ATG4A: variants seen among roughly 807,000 people sequenced by gnomAD.
The protein encoded by ATG4A is autophagy related 4A cysteine peptidase.
A neutral mutation model predicts 38.4 loss-of-function variants in ATG4A; 22 were observed. That is an observed-to-expected ratio of 0.57 (90% CI 0.41 to 0.82). The LOEUF (loss-of-function observed/expected upper bound fraction) is 0.82, where lower values mean the gene tolerates loss of function less well. ATG4A is among the 40% of genes least tolerant of loss of function. ATG4A has a pLI of 0.00. For missense variants in ATG4A, 220 were observed against 290.0 expected (o/e 0.76, Z 1.75); for synonymous variants, 86 against 100.7 (o/e 0.85, Z 0.88).
At chrX:108,141,841 A>G (rs1175743737) in intron 9 of ATG4A, among the ~76,000 whole-genome samples, 1 of 111,401 alleles carries the variant, frequency 9.0e-6, no homozygotes, top group African/African-American at 3.3e-5. Context: ...TTTGTTCCAG[A>G]TTCAGGAGGT....
At chrX:108,132,725 AT>A (rs1247070403) in intron 4 of ATG4A, among the ~76,000 whole-genome samples, 2 of 80,925 alleles carry the variant, frequency 2.5e-5, no homozygotes, top group Non-Finnish European at 5.1e-5. Flanking sequence ...TTACTATTTA[AT>A]TTTTTTTTCA....
chrX:108,136,018 G>A (rs2086871060), intron 6 of ATG4A, among the ~76,000 whole-genome samples: 2 of 110,693 alleles, frequency 1.8e-5, no homozygotes, highest in Admixed American at 9.6e-5. Flanking sequence ...TTCTGACCTC[G>A]TGATCCACCC....
upstream of ATG4A, among the ~76,000 whole-genome samples, chrX:108,090,140 T>G (rs1263800407): frequency 8.9e-6 from 1 of 112,244 alleles, no homozygotes; most frequent in African/African-American, 3.2e-5. Flanking sequence ...TCTCTTTCAG[T>G]ATGTAAAAAA....
At chrX:108,121,329 G>A (rs1469102581) in intron 1 of ATG4A, among the ~76,000 whole-genome samples, 2 of 111,362 alleles carry the variant, frequency 1.8e-5, no homozygotes, top group Non-Finnish European at 3.8e-5. Flanking sequence ...CAAAAGCCCT[G>A]TGCAGGTTGA....
chrX:108,152,633 C>T (rs928613930), intron 11 of ATG4A, among the ~76,000 whole-genome samples: 15 of 112,094 alleles, frequency 1.3e-4, no homozygotes, highest in African/African-American at 2.9e-4. Context: ...TTTAATTTCA[C>T]TAACTGACAT....
chrX:108,153,910 G>C lies in ATG4A; in HGVS notation c.*198G>C. The stretch of plus-strand genomic sequence containing the variant: ...AACAAATGACAGTAACCCTTCCCCG[G>C]AAAGAAATAGAACAATCATGGAGCC... On this transcript the variant is annotated 3_prime_UTR_variant, in exon 13 of 13. Transcript: ENST00000372232. 2.8e-6 allele frequency: 1 copy of C among 360,891 alleles called. No individual in the cohort carries two copies. Among genetic ancestry groups the C allele is most frequent in the Non-Finnish European group, 4.8e-6 (1 of 208,998 alleles). 29.7% of individuals were successfully genotyped at this position (360,891 alleles called of 1,213,427 possible). A position where few individuals can be genotyped will look rare whatever the true frequency, so the allele number is the denominator to read the frequency against.
chrX:108,106,567 C>T (rs1302857511), intron 1 of ATG4A, among the ~76,000 whole-genome samples: 8 of 111,418 alleles, frequency 7.2e-5, no homozygotes, highest in South Asian at 3.8e-4. Context: ...TTTAGCCATC[C>T]GTTCCTTTAG....
chrX:108,088,830 G>A, upstream of ATG4A: 2 of 1,185,025 alleles, frequency 1.7e-6, no homozygotes, highest in Non-Finnish European at 2.3e-6. Context: ...AGCATGCCCA[G>A]TGCAATGCAG....
At position 108,143,036 on chromosome X, in the gene ATG4A, C is replaced by T. The variant is rs1004272212; in HGVS notation, c.814+4845C>T. On this transcript the variant is annotated intron_variant, in intron 9 of 12. Coordinates refer to ENST00000372232, the MANE Select transcript of ATG4A (RefSeq NM_052936.5). ...CAACTATCCTTCGTACAACTGGAAA[C>T]GCACCAATCCCCAACCCAAATACTA... Among the ~76,000 whole-genome samples, 6 of 111,840 alleles carry T rather than the reference C, an allele frequency of 5.4e-5. No individual in the cohort carries two copies. The South Asian group carries it at 1.1e-3, about 21-fold the overall frequency.
intron 9 of ATG4A, among the ~76,000 whole-genome samples, chrX:108,144,329 A>T (rs2033374454): frequency 8.9e-6 from 1 of 112,659 alleles, no homozygotes; most frequent in African/African-American, 3.2e-5. Context: ...TCCAGTGAGG[A>T]TAAATCTCTG....
intron 2 of ATG4A, chrX:108,126,687 C>T (rs1006756927): frequency 1.9e-5 from 16 of 863,607 alleles, no homozygotes; most frequent in Non-Finnish European, 2.4e-5. Context: ...TTTTGCTGAC[C>T]GTAGCACTGT....
At chrX:108,131,206 C>A in intron 3 of ATG4A, 54 bp from the exon 4 acceptor site, 1 of 1,092,157 alleles carries the variant, frequency 9.2e-7, no homozygotes, top group Non-Finnish European at 1.3e-6. Flanking sequence ...GCTGATGTTT[C>A]AGGAAAGGGC....
intron 1 of ATG4A, among the ~76,000 whole-genome samples, chrX:108,099,156 T>G (rs1403832538): frequency 1.8e-5 from 2 of 112,038 alleles, no homozygotes; most frequent in Admixed American, 9.5e-5. Flanking sequence ...GCATTTGGTA[T>G]TCTCACTATT....
chrX:108,101,109 T>C (rs1467121598), intron 1 of ATG4A, among the ~76,000 whole-genome samples: 1 of 111,177 alleles, frequency 9.0e-6, no homozygotes, highest in African/African-American at 3.3e-5. Flanking sequence ...ATTCAAATTA[T>C]CTAATTTCTA....
chrX:108,094,726 G>A (rs1187400553), intron 1 of ATG4A, among the ~76,000 whole-genome samples: 1 of 112,024 alleles, frequency 8.9e-6, no homozygotes, highest in African/African-American at 3.2e-5. Flanking sequence ...ATAGAATTCT[G>A]TTCTTCTCTT....
intron 9 of ATG4A, among the ~76,000 whole-genome samples, chrX:108,141,086 A>G (rs1205353392): frequency 3.9e-5 from 3 of 76,914 alleles, no homozygotes; most frequent in Non-Finnish European, 4.9e-5. Context: ...ATATATATAT[A>G]TATATATATA....
intron 6 of ATG4A, among the ~76,000 whole-genome samples, chrX:108,136,569 ATCTC>A (rs767663041): frequency 9.1e-6 from 1 of 110,413 alleles, no homozygotes; most frequent in East Asian, 2.9e-4. Flanking sequence ...AGTGGAAGTA[ATCTC>A]TCTCTCTCTT....
chrX:108,093,829 A>T (rs2147949008), intron 1 of ATG4A, among the ~76,000 whole-genome samples: 1 of 111,918 alleles, frequency 8.9e-6, no homozygotes, highest in Admixed American at 9.5e-5. Flanking sequence ...TACGGTGAGC[A>T]TATTTTCATG....
intron 9 of ATG4A, chrX:108,149,905 A>G (rs968684742): frequency 1.2e-5 from 4 of 336,327 alleles, no homozygotes; most frequent in Non-Finnish European, 2.1e-5. Context: ...CAAACCTGTC[A>G]CTTTCCATTT....
Sources: allele counts gnomAD v4.1 joint callset (sites outside exome capture counted in the v4.1 genomes callset), GRCh38; gene constraint gnomAD v4.1.1; transcripts MANE v1.5; gene names NCBI Gene and HGNC (gene_info 2026-07-23, HGNC 2026-07-21).